ZNF385D: variants seen among roughly 807,000 people sequenced by gnomAD.
The protein encoded by ZNF385D is zinc finger protein 659.
A neutral mutation model predicts 35.8 loss-of-function variants in ZNF385D; 15 were observed. That is an observed-to-expected ratio of 0.42 (90% CI 0.28 to 0.64). The LOEUF (loss-of-function observed/expected upper bound fraction) is 0.64. Among genes scored for constraint, ZNF385D ranks in the 30% least tolerant of loss-of-function variants. The pLI, the probability that ZNF385D is intolerant of heterozygous loss-of-function variation, is 0.23. For synonymous variants in ZNF385D, 212 were observed against 186.8 expected, an observed-to-expected ratio of 1.13 and a Z score of -1.10; for missense variants, 474 against 494.6, an observed-to-expected ratio of 0.96 and a Z score of 0.39.
intron 3 of ZNF385D, among the ~76,000 whole-genome samples, chr3:21,548,066 A>C (rs565921553): frequency 1.3e-5 from 2 of 152,218 alleles, no homozygotes; most frequent in South Asian, 4.1e-4. Flanking sequence ...TGGGATTAGA[A>C]GGGTGGTGGG....
intron 3 of ZNF385D, among the ~76,000 whole-genome samples, chr3:22,023,626 G>A (rs898584790): frequency 9.9e-5 from 15 of 151,742 alleles, no homozygotes; most frequent in Middle Eastern, 3.4e-3. Context: ...CAAACAAAAA[G>A]ATATTTTAAA....
At chr3:21,545,338 G>A (rs12107758) in intron 3 of ZNF385D, among the ~76,000 whole-genome samples, 23,415 of 152,164 alleles carry the variant, frequency 0.15, 1,950 homozygotes, top group Admixed American at 0.24. Context: ...TGAAATGCTC[G>A]TGAATATCAA....
At chr3:21,742,009 T>A (rs938446654) in intron 1 of ZNF385D, among the ~76,000 whole-genome samples, 9 of 152,230 alleles carry the variant, frequency 5.9e-5, no homozygotes, top group Non-Finnish European at 1.2e-4. Flanking sequence ...CAGAAATCTC[T>A]GCTGGAATGT....
chr3:22,207,032 AAAG>A (rs1697203953), intron 2 of ZNF385D, among the ~76,000 whole-genome samples: 1 of 151,892 alleles, frequency 6.6e-6, no homozygotes, highest in Non-Finnish European at 1.5e-5. Flanking sequence ...ATAAATAAAT[AAAG>A]AAGAGCCAAA....
chr3:22,281,328 A>G (rs1383653860), intron 2 of ZNF385D, among the ~76,000 whole-genome samples: 1 of 152,078 alleles, frequency 6.6e-6, no homozygotes, highest in Non-Finnish European at 1.5e-5. Flanking sequence ...CTTAAAGGGA[A>G]TGCTCTCAAC....
At chr3:21,738,359 T>C (rs1263600722) in intron 1 of ZNF385D, among the ~76,000 whole-genome samples, 1 of 152,202 alleles carries the variant, frequency 6.6e-6, no homozygotes, top group Admixed American at 6.5e-5. Flanking sequence ...TTAATCTCAC[T>C]GTACCTTGGT....
intron 4 of ZNF385D, among the ~76,000 whole-genome samples, chr3:21,476,453 AT>A (rs1405897807): frequency 6.6e-6 from 1 of 151,938 alleles, no homozygotes; most frequent in Non-Finnish European, 1.5e-5. Context: ...ACAAATTAGA[AT>A]TTTTTTGATG....
chr3:22,024,006 G>C (rs1435972153), intron 3 of ZNF385D, among the ~76,000 whole-genome samples: 2 of 152,176 alleles, frequency 1.3e-5, no homozygotes, highest in African/African-American at 4.8e-5. Context: ...TGAGGATGTT[G>C]CCAAAGGAGA....
At chr3:22,338,539 G>T (rs969540927) in intron 2 of ZNF385D, among the ~76,000 whole-genome samples, 10 of 151,916 alleles carry the variant, frequency 6.6e-5, no homozygotes, top group Non-Finnish European at 1.3e-4. Context: ...ATTGATGTTG[G>T]CTCAGAAATA....
intron 3 of ZNF385D, among the ~76,000 whole-genome samples, chr3:21,929,078 C>T (rs1306823776): frequency 6.6e-6 from 1 of 152,054 alleles, no homozygotes; most frequent in African/African-American, 2.4e-5. Context: ...AGATCCCCAA[C>T]AAAATGCTAT....
At chr3:21,614,630 A>C (rs544005309) in intron 2 of ZNF385D, among the ~76,000 whole-genome samples, 1 of 152,200 alleles carries the variant, frequency 6.6e-6, no homozygotes, top group East Asian at 1.9e-4. Flanking sequence ...TCACTATGTC[A>C]CAAGCTGGAG....
intron 3 of ZNF385D, among the ~76,000 whole-genome samples, chr3:21,958,220 G>C (rs1702390198): frequency 6.6e-6 from 1 of 152,040 alleles, no homozygotes; most frequent in Admixed American, 6.6e-5. Context: ...CCAATAATGG[G>C]CAAAATCATT....
chr3:21,896,543 G>C (rs1219536575), intron 3 of ZNF385D, among the ~76,000 whole-genome samples: 1 of 152,056 alleles, frequency 6.6e-6, no homozygotes, highest in African/African-American at 2.4e-5. Context: ...TTTCCCCCTG[G>C]TATATTTTTA....
chr3:21,640,207 T>C (rs1303159188), intron 2 of ZNF385D, among the ~76,000 whole-genome samples: 1 of 152,084 alleles, frequency 6.6e-6, no homozygotes, highest in African/African-American at 2.4e-5. Context: ...CTAATTCACA[T>C]GTTATACTGC....
At chr3:22,267,296 A>T (rs916305784) in intron 2 of ZNF385D, among the ~76,000 whole-genome samples, 1 of 151,958 alleles carries the variant, frequency 6.6e-6, no homozygotes, top group African/African-American at 2.4e-5. Context: ...TTAAATTCAC[A>T]AATTCCTTCC....
intron 3 of ZNF385D, among the ~76,000 whole-genome samples, chr3:22,134,595 G>A (rs1034478024): frequency 3.9e-5 from 6 of 152,026 alleles, no homozygotes; most frequent in African/African-American, 1.2e-4. Flanking sequence ...ACTAAAAGAG[G>A]CCATACCTAA....
chr3:21,460,984 A>G (rs1256774712), intron 4 of ZNF385D, among the ~76,000 whole-genome samples: 3 of 152,182 alleles, frequency 2.0e-5, no homozygotes, highest in African/African-American at 7.2e-5. Context: ...ATTCTTTACA[A>G]TCAGAGCGGA....
At chr3:21,707,926 T>C (rs1235059150) in intron 1 of ZNF385D, among the ~76,000 whole-genome samples, 1 of 152,072 alleles carries the variant, frequency 6.6e-6, no homozygotes, top group African/African-American at 2.4e-5. Context: ...AGTCACTTAG[T>C]GGTGATGCGG....
intron 4 of ZNF385D, among the ~76,000 whole-genome samples, chr3:21,498,742 G>C (rs1383864633): frequency 6.6e-6 from 1 of 151,978 alleles, no homozygotes; most frequent in Non-Finnish European, 1.5e-5. Flanking sequence ...AAGAGATCGA[G>C]ACCATCCTAG....
Sources: gnomAD v4.1 joint callset for allele counts (sites outside exome capture counted in the v4.1 genomes callset) on GRCh38, gnomAD v4.1.1 for gene constraint, MANE v1.5 for transcripts, NCBI Gene and HGNC (gene_info 2026-07-23, HGNC 2026-07-21) for gene names.